DKK2: variants seen among roughly 807,000 people sequenced by gnomAD.
DKK2 encodes the protein dickkopf Wnt signaling pathway inhibitor 2, also known as dickkopf-related protein 2.
DKK2 carries 11 observed loss-of-function variants against 28.1 expected under a neutral mutation model. That is an observed-to-expected ratio of 0.39 (90% CI 0.25 to 0.65). The LOEUF (loss-of-function observed/expected upper bound fraction) is 0.65, where lower values mean the gene tolerates loss of function less well. Among genes scored for constraint, DKK2 ranks in the 30% least tolerant of loss-of-function variants. DKK2 has a pLI of 0.47. For missense variants in DKK2, 326 were observed against 335.5 expected (o/e 0.97, Z 0.22); for synonymous variants, 135 against 126.5 (o/e 1.07, Z -0.45).
In DKK2 at chr4:106,964,363, G is replaced by A. The variant is rs1484689133; in HGVS notation, c.223-38414C>T. ...TTTAACAGAGGCTGAGAAAGGCAGT[G>A]GGGAGAGCAGGATAAAGAAGACATG... On this transcript the variant is annotated intron_variant, in intron 1 of 3. Coordinates refer to ENST00000285311, the MANE Select transcript of DKK2 (RefSeq NM_014421.3). 2.0e-5 allele frequency among the ~76,000 whole-genome samples: 3 copies of A among 152,094 alleles called. No homozygotes were observed. In the East Asian group the frequency reaches 5.8e-4, roughly 29 times the overall value.
chr4:106,987,524 C>T (rs990757583), intron 1 of DKK2, among the ~76,000 whole-genome samples: 73 of 152,178 alleles, frequency 4.8e-4, no homozygotes, highest in African/African-American at 1.6e-3. Flanking sequence ...ATCAGGACAT[C>T]CTGCTTTCTC....
intron 1 of DKK2, among the ~76,000 whole-genome samples, chr4:106,930,612 C>T (rs1724487982): frequency 6.6e-6 from 1 of 152,126 alleles, no homozygotes; most frequent in South Asian, 2.1e-4. Context: ...GTGGGATGGC[C>T]ACCCATCTGG....
intron 1 of DKK2, among the ~76,000 whole-genome samples, chr4:106,935,388 GA>G (rs1724566116): frequency 6.6e-6 from 1 of 152,198 alleles, no homozygotes; most frequent in South Asian, 2.1e-4. Flanking sequence ...ACTCCCACCC[GA>G]ATACTGCGCT....
intron 1 of DKK2, among the ~76,000 whole-genome samples, chr4:107,006,393 G>T (rs943606303): frequency 7.9e-5 from 12 of 152,070 alleles, no homozygotes; most frequent in African/African-American, 2.9e-4. Context: ...CTAAACCCCA[G>T]GGAGGAAGTC....
chr4:107,026,642 A>G (rs1490152578), intron 1 of DKK2, among the ~76,000 whole-genome samples: 1 of 152,170 alleles, frequency 6.6e-6, no homozygotes, highest in Admixed American at 6.5e-5. Context: ...AACAGACCAG[A>G]GCACAGAATG....
At position 106,997,067 on chromosome 4, in the gene DKK2, C is replaced by T. The variant is rs548400657; in HGVS notation, c.222+38303G>A. Among the ~76,000 whole-genome samples the T allele has an allele frequency of 2.3e-3, 346 of 152,094 alleles. 4 individuals carry two copies. Among genetic ancestry groups the T allele is most frequent in the African/African-American group, 7.5e-3 (311 of 41,478 alleles). On this transcript the variant is annotated intron_variant, in intron 1 of 3. Transcript: ENST00000285311. ...TGGAGAGTTCTATAACTTAAAATAG[C>T]CATTTTTTTTTAAAGAAATCTATGA...
chr4:106,984,980 C>T (rs1417492154), intron 1 of DKK2, among the ~76,000 whole-genome samples: 1 of 152,074 alleles, frequency 6.6e-6, no homozygotes, highest in Non-Finnish European at 1.5e-5. Context: ...GAGACCGAAG[C>T]GGGCAGATCA....
At chr4:107,001,348 T>C (rs1241952560) in intron 1 of DKK2, among the ~76,000 whole-genome samples, 3 of 152,214 alleles carry the variant, frequency 2.0e-5, no homozygotes, top group Non-Finnish European at 4.4e-5. Context: ...ATTTCTGTTA[T>C]TTTAAGCCAC....
At chr4:106,940,710 A>T (rs1190427968) in intron 1 of DKK2, among the ~76,000 whole-genome samples, 1 of 151,812 alleles carries the variant, frequency 6.6e-6, no homozygotes, top group African/African-American at 2.4e-5. Flanking sequence ...GAACCAACCT[A>T]AATGTCCAAC....
intron 1 of DKK2, among the ~76,000 whole-genome samples, chr4:106,969,259 C>A (rs1023305510): frequency 2.6e-5 from 4 of 151,688 alleles, no homozygotes; most frequent in Non-Finnish European, 5.9e-5. Flanking sequence ...CCATCTCCCC[C>A]TCCCCTCTCC....
intron 1 of DKK2, among the ~76,000 whole-genome samples, chr4:106,977,086 T>C (rs1722956977): frequency 6.6e-6 from 1 of 152,226 alleles, no homozygotes; most frequent in African/African-American, 2.4e-5. Flanking sequence ...TTCTGGCTTG[T>C]AGGGTTTCTG....
At chr4:106,976,608 C>T (rs1722949540) in intron 1 of DKK2, among the ~76,000 whole-genome samples, 1 of 152,100 alleles carries the variant, frequency 6.6e-6, no homozygotes, top group Admixed American at 6.6e-5. Flanking sequence ...TTCCTCCATC[C>T]CTTTATTTTA....
chr4:107,035,693 G>T lies in DKK2; in HGVS notation c.-102C>A. The T allele has an allele frequency of 8.1e-7, 1 of 1,231,094 alleles. No individual in the cohort carries two copies. The highest frequency in any genetic ancestry group is 1.2e-6 in the Non-Finnish European group (1 of 869,044). The allele number at this position is 1,231,094 out of a possible 1,614,324, so 76.3% of individuals were successfully genotyped here. ...GGGGCCCCTCACTTGGGTCGCGGGG[G>T]CTTGCAGATTGTGTTCCCTCAACCC... On this transcript the variant is annotated 5_prime_UTR_variant, in exon 1 of 4. Transcript: ENST00000285311.
rs372452416 is a variant in DKK2, at chr4:106,924,029, C to G, written c.705G>C (p.Lys235Asn). The G allele has an allele frequency of 7.6e-5, 122 of 1,613,860 alleles. No homozygotes were observed. The highest frequency in any genetic ancestry group is 1.0e-4 in the Non-Finnish European group (119 of 1,179,950). Residue 235 changes from lysine (K) to asparagine (N), a missense_variant, in exon 4 of 4, where the codon AAG becomes AAC. Physicochemically the swap from Lys to Asn is moderately conservative, Grantham distance 94. Coordinates refer to ENST00000285311, the MANE Select transcript of DKK2 (RefSeq NM_014421.3). ...LEIFQRCDCA[K>N]GLSCKVWKDA... ...CTTTCCATACTTTGCAAGACAGGCC[C>G]TTCGCACAGTCGCAACGCTGGAAAA...
intron 1 of DKK2, among the ~76,000 whole-genome samples, chr4:106,957,833 G>T (rs1027262646): frequency 6.7e-6 from 1 of 148,788 alleles, no homozygotes; most frequent in African/African-American, 2.5e-5. Flanking sequence ...CAGCACACCA[G>T]CATGGCACAT....
chr4:106,930,851 C>G (rs986888324), intron 1 of DKK2, among the ~76,000 whole-genome samples: 3 of 152,114 alleles, frequency 2.0e-5, no homozygotes, highest in Non-Finnish European at 2.9e-5. Context: ...GAGAATATAT[C>G]TGGGGTCTCT....
intron 1 of DKK2, among the ~76,000 whole-genome samples, chr4:107,030,210 T>G (rs1353101497): frequency 6.6e-6 from 1 of 152,124 alleles, no homozygotes; most frequent in African/African-American, 2.4e-5. Context: ...ATCGACTGAC[T>G]TCTTTGAAAG....
intron 1 of DKK2, among the ~76,000 whole-genome samples, chr4:106,957,448 G>A (rs1018040467): frequency 6.6e-6 from 1 of 152,000 alleles, no homozygotes; most frequent in African/African-American, 2.4e-5. Context: ...AAAGACACAG[G>A]CACACGTATG....
intron 1 of DKK2, among the ~76,000 whole-genome samples, chr4:107,011,713 G>GT (rs567492932): frequency 6.6e-6 from 1 of 150,580 alleles, no homozygotes; most frequent in Non-Finnish European, 1.5e-5. Context: ...GTGTGTGTGT[G>GT]GGTGTGTATA....
Sources: allele counts gnomAD v4.1 joint callset (sites outside exome capture counted in the v4.1 genomes callset), GRCh38; gene constraint gnomAD v4.1.1; transcripts MANE v1.5; gene names NCBI Gene and HGNC (gene_info 2026-07-23, HGNC 2026-07-21).